Variants in MLIP observed in about 807,000 individuals in gnomAD.
MLIP encodes the protein muscular LMNA-interacting protein.
Under a neutral mutation model 84.8 loss-of-function variants are expected in MLIP, and 79 were observed. The ratio of observed to expected loss-of-function variants is 0.93; its 90% CI spans 0.78 to 1.12. The LOEUF is 1.12. Ranked by LOEUF, MLIP falls within the 50% of genes most tolerant of loss-of-function variation. The probability of loss-of-function intolerance (pLI) is 0.00; values close to 1 mark genes in which losing one functional copy is unlikely to be tolerated. For missense variants in MLIP, 1,257 were observed against 1,160.6 expected, an observed-to-expected ratio of 1.08 and a Z score of -1.21; for synonymous variants, 504 against 463.0, an observed-to-expected ratio of 1.09 and a Z score of -1.14.
chr6:54,069,383 G>A lies in MLIP; in HGVS notation c.63+50292G>A, dbSNP rs1766358950. 2.0e-5 allele frequency among the ~76,000 whole-genome samples: 2 copies of A among 100,700 alleles called. 1 individual carries two copies. Among genetic ancestry groups the A allele is most frequent in the South Asian group, 7.0e-4 (2 of 2,854 alleles). The allele number at this position is 100,700 out of a possible 152,430, so 66.1% of individuals were successfully genotyped here. Reference sequence around the variant, plus strand: ...ATTAACATATACATGTTCTGCTGAAGAACTTTGCAATTGCTTGATGGAAAT... The same window carrying A: ...ATTAACATATACATGTTCTGCTGAAAAACTTTGCAATTGCTTGATGGAAAT... On this transcript the variant is annotated intron_variant, in intron 1 of 12. Transcript: ENST00000274897.
At chr6:54,097,544 C>A (rs1451130180) in intron 1 of MLIP, among the ~76,000 whole-genome samples, 1 of 151,814 alleles carries the variant, frequency 6.6e-6, no homozygotes, top group Admixed American at 6.6e-5. Flanking sequence ...ACAAGTGAGA[C>A]AAAATAATAA....
At chr6:54,123,010 C>A (rs1437666353) in intron 2 of MLIP, among the ~76,000 whole-genome samples, 4 of 151,934 alleles carry the variant, frequency 2.6e-5, no homozygotes, top group Admixed American at 6.6e-5. Flanking sequence ...CGGCTCACTG[C>A]AAGCTCCGCC....
At chr6:54,255,756 T>C (rs1782964898) in intron 12 of MLIP, among the ~76,000 whole-genome samples, 1 of 152,184 alleles carries the variant, frequency 6.6e-6, no homozygotes, top group Admixed American at 6.5e-5. Context: ...CTAATCTCAG[T>C]TGAATGCTTT....
At chr6:54,026,920 A>C (rs2150273031) in intron 1 of MLIP, among the ~76,000 whole-genome samples, 2 of 152,288 alleles carry the variant, frequency 1.3e-5, no homozygotes, top group Non-Finnish European at 2.9e-5. Flanking sequence ...CTACAAAGTG[A>C]AAGGTTGGAT....
intron 3 of MLIP, among the ~76,000 whole-genome samples, chr6:54,135,509 A>G (rs750496464): frequency 1.3e-5 from 2 of 152,106 alleles, no homozygotes; most frequent in Non-Finnish European, 2.9e-5. Context: ...GGTCTGATGG[A>G]AATCTTAAAA....
At chr6:54,025,651 CT>C (rs753471730) in intron 1 of MLIP, among the ~76,000 whole-genome samples, 6 of 152,126 alleles carry the variant, frequency 3.9e-5, no homozygotes, top group Admixed American at 1.3e-4. Context: ...TTGGATTCAA[CT>C]GATAAAGTTG....
chr6:54,117,481 T>C (rs1387506013), intron 1 of MLIP, among the ~76,000 whole-genome samples: 1 of 151,496 alleles, frequency 6.6e-6, no homozygotes, highest in African/African-American at 2.4e-5. Flanking sequence ...CCCAAAGTGC[T>C]GGGATTACAG....
intron 12 of MLIP, among the ~76,000 whole-genome samples, chr6:54,237,799 G>A (rs1417497209): frequency 2.0e-5 from 3 of 152,136 alleles, no homozygotes; most frequent in East Asian, 3.9e-4. Context: ...GCACTGAACC[G>A]TGATTGTGTC....
intron 1 of MLIP, chr6:54,079,662 C>A (rs1046328046): frequency 6.6e-6 from 1 of 152,124 alleles, no homozygotes; most frequent in Non-Finnish European, 1.5e-5. Context: ...TCATCTTTAC[C>A]TTTAATTTCC....
rs560873344 is a variant in MLIP, at chr6:54,243,624, C to A, written c.2922+12707C>A. On this transcript the variant is annotated intron_variant, in intron 12 of 13. Coordinates refer to ENST00000502396, the MANE Select transcript of MLIP (RefSeq NM_001281747.2). ...TTTTACATATGAAGAAACTGAGGCT[C>A]AGAAAGTATATATAATTTGTACAAA... 6.2e-4 allele frequency among the ~76,000 whole-genome samples: 95 copies of A among 152,234 alleles called. 1 individual carries two copies. Among genetic ancestry groups the A allele is most frequent in the African/African-American group, 2.2e-3 (93 of 41,546 alleles).
chr6:54,167,966 C>T (rs1468927864), intron 8 of MLIP, among the ~76,000 whole-genome samples: 1 of 151,830 alleles, frequency 6.6e-6, no homozygotes, highest in Non-Finnish European at 1.5e-5. Context: ...TATTTGCAAA[C>T]ATCCCCAGGG....
At chr6:54,241,059 C>A (rs1781703504) in intron 12 of MLIP, among the ~76,000 whole-genome samples, 1 of 151,852 alleles carries the variant, frequency 6.6e-6, no homozygotes, top group Non-Finnish European at 1.5e-5. Context: ...AAGAACCGGG[C>A]GACCTCAAAG....
chr6:54,144,956 A>G (rs535893659), intron 4 of MLIP, among the ~76,000 whole-genome samples: 1 of 152,234 alleles, frequency 6.6e-6, no homozygotes, highest in East Asian at 1.9e-4. Flanking sequence ...GGCAACTAGC[A>G]TTGCCCATAA....
At chr6:54,090,873 G>A (rs545928356) in intron 1 of MLIP, among the ~76,000 whole-genome samples, 24 of 152,262 alleles carry the variant, frequency 1.6e-4, no homozygotes, top group African/African-American at 5.3e-4. Context: ...GGGACAAAGT[G>A]ACTTTGTTAA....
At chr6:54,189,059 G>T (rs1777671658) in intron 9 of MLIP, among the ~76,000 whole-genome samples, 1 of 152,100 alleles carries the variant, frequency 6.6e-6, no homozygotes, top group Admixed American at 6.5e-5. Context: ...AGACAGTAAG[G>T]CCTGAAAAAA....
intron 1 of MLIP, among the ~76,000 whole-genome samples, chr6:54,100,157 G>A (rs753455068): frequency 3.3e-5 from 5 of 152,060 alleles, no homozygotes; most frequent in Admixed American, 1.3e-4. Context: ...TGTTGGAGAC[G>A]TCCCATGTAT....
chr6:54,063,893 G>A (rs947231871), intron 1 of MLIP, among the ~76,000 whole-genome samples: 17 of 151,810 alleles, frequency 1.1e-4, no homozygotes, highest in Non-Finnish European at 1.8e-4. Context: ...CTAAGAGTTA[G>A]AAAGTACACT....
chr6:54,098,962 G>A (rs1023386689), intron 1 of MLIP, among the ~76,000 whole-genome samples: 1 of 152,166 alleles, frequency 6.6e-6, no homozygotes, highest in African/African-American at 2.4e-5. Flanking sequence ...AGCCCAAGCA[G>A]TTTGGCTGCT....
chr6:54,042,635 G>A (rs1175510558), intron 1 of MLIP, among the ~76,000 whole-genome samples: 1 of 152,090 alleles, frequency 6.6e-6, no homozygotes, highest in Non-Finnish European at 1.5e-5. Flanking sequence ...AGCATGTTGA[G>A]GAAACAAAGG....
Sources: allele counts gnomAD v4.1 joint callset (sites outside exome capture counted in the v4.1 genomes callset), GRCh38; gene constraint gnomAD v4.1.1; transcripts MANE v1.5; gene names NCBI Gene and HGNC (gene_info 2026-07-23, HGNC 2026-07-21).